The following CNOT1 variants were observed in gnomAD, a reference collection of about 807,000 sequenced individuals.
CNOT1 encodes the protein CCR4-NOT transcription complex subunit 1.
CNOT1 carries 15 observed loss-of-function variants against 273.8 expected under a neutral mutation model. The ratio of observed to expected loss-of-function variants is 0.05; its 90% CI spans 0.04 to 0.08. CNOT1 has a LOEUF of 0.08. Among genes scored for constraint, CNOT1 ranks in the 10% least tolerant of loss-of-function variants. CNOT1 has a pLI of 1.00. For missense variants in CNOT1, 1,644 were observed against 2,912.2 expected, an observed-to-expected ratio of 0.56 and a Z score of 10.02; for synonymous variants, 1,022 against 1,005.5, an observed-to-expected ratio of 1.02 and a Z score of -0.31.
chr16:58,541,471 AAC>A, intron 34 of CNOT1, 28 bp downstream of exon 34: 1 of 1,595,810 alleles, frequency 6.3e-7, no homozygotes, highest in Non-Finnish European at 8.5e-7. Context: ...TAATTGGCAA[AAC>A]ACTCAATTTA....
At chr16:58,616,562 TTTC>T (rs563592004) in intron 1 of CNOT1, among the ~76,000 whole-genome samples, 38 of 152,300 alleles carry the variant, frequency 2.5e-4, no homozygotes, top group African/African-American at 8.9e-4. Context: ...CAGCTGGTTT[TTTC>T]GTTTTTTGTT....
At chr16:58,601,152 C>T (rs1597567534) in intron 1 of CNOT1, among the ~76,000 whole-genome samples, 1 of 152,304 alleles carries the variant, frequency 6.6e-6, no homozygotes, top group Non-Finnish European at 1.5e-5. Flanking sequence ...GAAGGGGTTT[C>T]GCCATGTTGG....
chr16:58,572,687 C>A (rs1281605839), intron 16 of CNOT1, among the ~76,000 whole-genome samples: 1 of 151,972 alleles, frequency 6.6e-6, no homozygotes, highest in Non-Finnish European at 1.5e-5. Context: ...GCAGGCAGAT[C>A]ACTTGAGGTC....
intron 1 of CNOT1, among the ~76,000 whole-genome samples, chr16:58,622,597 A>C (rs2043391734): frequency 6.6e-6 from 1 of 152,284 alleles, no homozygotes; most frequent in East Asian, 1.9e-4. Context: ...CTATAATCCC[A>C]ACACTTTGGG....
At chr16:58,551,046 A>G in intron 24 of CNOT1, 86 bp downstream of exon 24, 4 of 1,558,916 alleles carry the variant, frequency 2.6e-6, no homozygotes, top group Non-Finnish European at 3.4e-6. Context: ...CTACCTTTAA[A>G]GTGAGTATGT....
chr16:58,546,892 A>C, intron 27 of CNOT1, 143 bp from the exon 28 acceptor site: 8 of 1,107,484 alleles, frequency 7.2e-6, no homozygotes, highest in Non-Finnish European at 9.0e-6. Flanking sequence ...ATAACCAAAA[A>C]CAGTTAAACA....
intron 37 of CNOT1, 46 bp from the exon 38 acceptor site, chr16:58,538,106 C>T: frequency 6.2e-7 from 1 of 1,613,450 alleles, no homozygotes; most frequent in Non-Finnish European, 8.5e-7. Flanking sequence ...CACTTAAGAG[C>T]AAACGTACTT....
At position 58,540,032 on chromosome 16, in the gene CNOT1, T is replaced by TA. The variant is rs571974529; in HGVS notation, c.4801-74dup. The TA allele has an allele frequency of 5.0e-4, 732 of 1,469,874 alleles. 1 individual carries two copies. The highest frequency in any genetic ancestry group is 1.0e-3 in the South Asian group (76 of 75,924). 91.1% of individuals were successfully genotyped at this position (1,469,874 alleles called of 1,614,324 possible). A position where few individuals can be genotyped will look rare whatever the true frequency, so the allele number is the denominator to read the frequency against. On this transcript the variant is annotated intron_variant, in intron 34 of 48. Coordinates refer to ENST00000317147, the MANE Select transcript of CNOT1 (RefSeq NM_016284.5). Reference sequence around the variant, plus strand: ...GTTTTTTATTGACACATGTATCAAATAGAGGTCTACTAGTATGTTTACTCC... The same window carrying TA: ...GTTTTTTATTGACACATGTATCAAATAAGAGGTCTACTAGTATGTTTACTCC...
intron 2 of CNOT1, among the ~76,000 whole-genome samples, chr16:58,590,631 G>A (rs1373870929): frequency 6.6e-6 from 1 of 152,030 alleles, no homozygotes; most frequent in Non-Finnish European, 1.5e-5. Flanking sequence ...TGGGTGCAGT[G>A]GCTTACACCT....
In CNOT1 at chr16:58,623,062, G is replaced by A. The variant is rs139296580; in HGVS notation, c.-175+6666C>T. On this transcript the variant is annotated intron_variant, in intron 1 of 48. Transcript: ENST00000317147. ...AAAATACAAAAATTAGCCAAGCGTG[G>A]TGGCAGGCGCCTGTAATCCCAGCTA... 3.9e-3 allele frequency among the ~76,000 whole-genome samples: 598 copies of A among 151,922 alleles called. 7 individuals are homozygous for A. The highest frequency in any genetic ancestry group is 0.012 in the East Asian group (60 of 5,154).
At chr16:58,555,990 T>A in intron 19 of CNOT1, 82 bp from the exon 20 acceptor site, 1 of 1,560,126 alleles carries the variant, frequency 6.4e-7, no homozygotes, top group African/African-American at 1.4e-5. Context: ...CAGAGACTAT[T>A]ATAGCTCTAA....
intron 44 of CNOT1, among the ~76,000 whole-genome samples, chr16:58,526,742 G>GGA (rs2039596876): frequency 6.6e-6 from 1 of 150,542 alleles, no homozygotes; most frequent in Non-Finnish European, 1.5e-5. Context: ...CCTGAACCCA[G>GGA]GAGGCAGAGG....
In CNOT1 at chr16:58,523,358, C is replaced by A. The variant is rs758510366; in HGVS notation, c.6917+12G>T. 6.4e-6 allele frequency: 10 copies of A among 1,560,134 alleles called. No homozygotes were observed. In the East Asian group the frequency reaches 6.8e-5, roughly 11 times the overall value. On this transcript the variant is annotated intron_variant, in intron 47 of 48. Coordinates refer to ENST00000317147, the MANE Select transcript of CNOT1 (RefSeq NM_016284.5). ...CCTTTTGAAGCATTTAAAAAATAAG[C>A]TGCTCGCTTACCTTGTGATCTGTTC... is the stretch of plus-strand genomic sequence containing the variant.
At chr16:58,570,160 G>C (rs2041217679) in intron 16 of CNOT1, among the ~76,000 whole-genome samples, 1 of 152,112 alleles carries the variant, frequency 6.6e-6, no homozygotes, top group Non-Finnish European at 1.5e-5. Flanking sequence ...AGATACAGGA[G>C]GAATTAGGAT....
chr16:58,613,815 G>A lies in CNOT1; in HGVS notation c.-174-14304C>T, dbSNP rs866820062. Among the ~76,000 whole-genome samples the A allele has an allele frequency of 1.2e-4, 15 of 123,622 alleles. 3 individuals are homozygous for A. In the East Asian group the frequency reaches 1.4e-3, roughly 11 times the overall value. The allele number at this position is 123,622 out of a possible 152,430, so 81.1% of individuals were successfully genotyped here. A position where few individuals can be genotyped will look rare whatever the true frequency, so the allele number is the denominator to read the frequency against. On this transcript the variant is annotated intron_variant, in intron 1 of 48. Coordinates refer to ENST00000317147, the MANE Select transcript of CNOT1 (RefSeq NM_016284.5). ...TTTTCAAAGTAGAAAATTGGTCGCCGTGGTGGCTCACGCCTGTAATCCCAG... is the reference window on the plus strand; with the variant it reads ...TTTTCAAAGTAGAAAATTGGTCGCCATGGTGGCTCACGCCTGTAATCCCAG...
At chr16:58,599,926 G>A (rs925936290) in intron 1 of CNOT1, among the ~76,000 whole-genome samples, 8 of 152,056 alleles carry the variant, frequency 5.3e-5, no homozygotes, top group Non-Finnish European at 1.5e-5. Context: ...AGCCAGGCAT[G>A]GTGGTGCACG....
At chr16:58,580,817 G>T (rs1489086266) in intron 11 of CNOT1, 57 bp from the exon 12 acceptor site, 3 of 1,519,002 alleles carry the variant, frequency 2.0e-6, no homozygotes, top group Admixed American at 1.9e-5. Flanking sequence ...ATAAAAATCT[G>T]AAATGTTTTC....
At chr16:58,530,376 A>C in intron 42 of CNOT1, 29 bp from the exon 43 acceptor site, 1 of 1,542,724 alleles carries the variant, frequency 6.5e-7, no homozygotes, top group Non-Finnish European at 8.9e-7. Context: ...CATGAGTCAT[A>C]ATTATACTCA....
rs199659223 is a variant in CNOT1 at position 58,539,563 on chromosome 16, G to GA, written c.4992+204dup. 3.3e-3 allele frequency among the ~76,000 whole-genome samples: 490 copies of GA among 147,170 alleles called. 3 individuals carry two copies. The highest frequency in any genetic ancestry group is 0.012 in the African/African-American group (458 of 39,708). ...AATCACATTTCCAGAATATCTTTAAGAAAAAAAATGAAGATTTCCAAGTTT... is the reference window on the plus strand; with the variant it reads ...AATCACATTTCCAGAATATCTTTAAGAAAAAAAAATGAAGATTTCCAAGTTT... On this transcript the variant is annotated intron_variant, in intron 35 of 48. Transcript: ENST00000317147.
Sources: allele counts gnomAD v4.1 joint callset (sites outside exome capture counted in the v4.1 genomes callset), GRCh38; gene constraint gnomAD v4.1.1; transcripts MANE v1.5; gene names NCBI Gene and HGNC (gene_info 2026-07-23, HGNC 2026-07-21).